The following PIK3C2G variants were observed in gnomAD, a reference collection of about 807,000 sequenced individuals.
The protein encoded by PIK3C2G is phosphatidylinositol-4-phosphate 3-kinase catalytic subunit type 2 gamma, also known as phosphatidylinositol 3-kinase C2 domain-containing subunit gamma.
Under a neutral mutation model 181.1 loss-of-function variants are expected in PIK3C2G, and 168 were observed. That is an observed-to-expected ratio of 0.93 (90% CI 0.82 to 1.05). PIK3C2G has a LOEUF of 1.05. Ranked by LOEUF, PIK3C2G falls within the 50% of genes least tolerant of loss-of-function variation. PIK3C2G has a pLI of 0.00. For missense variants in PIK3C2G, 1,869 were observed against 1,732.8 expected (o/e 1.08, Z -1.40); for synonymous variants, 573 against 592.2 (o/e 0.97, Z 0.47).
intron 29 of PIK3C2G, among the ~76,000 whole-genome samples, chr12:18,573,030 A>G (rs781758900): frequency 3.3e-5 from 5 of 152,182 alleles, no homozygotes; most frequent in Non-Finnish European, 4.4e-5. Context: ...TTAAAACGCC[A>G]CTATTGAGAA....
intron 24 of PIK3C2G, among the ~76,000 whole-genome samples, chr12:18,532,019 T>C (rs942935744): frequency 6.6e-6 from 1 of 152,212 alleles, no homozygotes; most frequent in Admixed American, 6.5e-5. Context: ...ATCCAGTTTC[T>C]ACACATCTTT....
At position 18,584,699 on chromosome 12, in the gene PIK3C2G, G is replaced by T. The variant is rs184875433; in HGVS notation, c.4012-9795G>T. Among the ~76,000 whole-genome samples the T allele has an allele frequency of 5.8e-3, 885 of 152,178 alleles. 2 individuals carry two copies. The highest frequency in any genetic ancestry group is 0.01 in the Middle Eastern group (3 of 294). Reference sequence around the variant, plus strand: ...AACTCAGTAAATATAGAGGACCCCTGCAAGATTCTACAGAAGATAATCATC... The same window carrying T: ...AACTCAGTAAATATAGAGGACCCCTTCAAGATTCTACAGAAGATAATCATC... On this transcript the variant is annotated intron_variant, in intron 29 of 32. Transcript: ENST00000538779.
At chr12:18,509,143 C>T (rs754925937) in intron 24 of PIK3C2G, among the ~76,000 whole-genome samples, 2 of 152,056 alleles carry the variant, frequency 1.3e-5, no homozygotes, top group Non-Finnish European at 2.9e-5. Flanking sequence ...TCTCCACCTC[C>T]CTGGTTCAAG....
At chr12:18,514,071 T>G (rs1942379243) in intron 24 of PIK3C2G, among the ~76,000 whole-genome samples, 1 of 152,040 alleles carries the variant, frequency 6.6e-6, no homozygotes, top group South Asian at 2.1e-4. Context: ...CTCCATGTAC[T>G]TTTTATATTT....
chr12:18,529,184 C>A lies in PIK3C2G; in HGVS notation c.3324-8972C>A, dbSNP rs138268903. Among the ~76,000 whole-genome samples the A allele has an allele frequency of 4.6e-5, 7 of 151,570 alleles. No individual in the cohort carries two copies. In the South Asian group the frequency reaches 8.3e-4, roughly 18 times the overall value. ...GACCCTGATGTATATTAAATTCATA[C>A]CTTTAAAAACTACAATTAAATGTCA... On this transcript the variant is annotated intron_variant, in intron 24 of 32. Coordinates refer to ENST00000538779, the MANE Select transcript of PIK3C2G (RefSeq NM_001288772.2).
intron 12 of PIK3C2G, 35 bp from the exon 13 acceptor site, chr12:18,371,144 TG>T: frequency 6.5e-7 from 1 of 1,544,376 alleles, no homozygotes; most frequent in Non-Finnish European, 8.9e-7. Context: ...TCAGTACAAT[TG>T]GGTAGGTAAT....
the PIK3C2G span, among the ~76,000 whole-genome samples, chr12:18,702,986 C>T: frequency 2.0e-5 from 3 of 151,770 alleles, no homozygotes; most frequent in Non-Finnish European, 4.4e-5. Flanking sequence ...TCTTTATTTA[C>T]TCATTGAAAA....
intron 13 of PIK3C2G, among the ~76,000 whole-genome samples, chr12:18,375,386 T>A (rs1162052184): frequency 6.6e-6 from 1 of 152,198 alleles, no homozygotes; most frequent in African/African-American, 2.4e-5. Context: ...AATGATGACT[T>A]AGAGTATCTG....
chr12:18,421,238 A>T (rs71539456), intron 17 of PIK3C2G, among the ~76,000 whole-genome samples: 19,117 of 151,920 alleles, frequency 0.13, 1,247 homozygotes, highest in African/African-American at 0.15. Context: ...AAAAAGGAAA[A>T]TTTTTTAAAA....
chr12:18,694,761 T>C, the PIK3C2G span: 838 of 615,826 alleles, frequency 1.4e-3, 1 homozygote, highest in African/African-American at 0.012. Flanking sequence ...TATAGAAGGA[T>C]GCTGGAATAC....
At chr12:18,633,075 A>G (rs1016398784) in intron 31 of PIK3C2G, among the ~76,000 whole-genome samples, 6 of 152,196 alleles carry the variant, frequency 3.9e-5, no homozygotes, top group Admixed American at 1.3e-4. Context: ...TCTGCCAAAC[A>G]TGATACAACT....
At chr12:18,642,785 A>AGTGT (rs1949907513) in intron 32 of PIK3C2G, among the ~76,000 whole-genome samples, 4 of 93,454 alleles carry the variant, frequency 4.3e-5, no homozygotes, top group Non-Finnish European at 6.4e-5. Context: ...TATAAGTGAC[A>AGTGT]CTGTGTGTGT....
At chr12:18,296,107 A>G (rs1949928779) in intron 5 of PIK3C2G, among the ~76,000 whole-genome samples, 1 of 152,148 alleles carries the variant, frequency 6.6e-6, no homozygotes, top group Non-Finnish European at 1.5e-5. Context: ...ATAGATCATG[A>G]AACATATGAC....
chr12:18,477,084 C>A (rs959864218), intron 18 of PIK3C2G, among the ~76,000 whole-genome samples: 4 of 152,060 alleles, frequency 2.6e-5, no homozygotes, highest in African/African-American at 9.7e-5. Context: ...CTCACATGGC[C>A]TTTCTCTGTG....
chr12:18,532,068 C>T (rs974028622), intron 24 of PIK3C2G, among the ~76,000 whole-genome samples: 1 of 152,114 alleles, frequency 6.6e-6, no homozygotes, highest in South Asian at 2.1e-4. Context: ...TTTATCTAGC[C>T]ATTTTGATAG....
chr12:18,403,642 T>G (rs73066547), intron 16 of PIK3C2G, among the ~76,000 whole-genome samples: 99 of 152,298 alleles, frequency 6.5e-4, no homozygotes, highest in Non-Finnish European at 6.6e-4. Context: ...ATTTACTTAA[T>G]CTGTCCAAAG....
chr12:18,518,973 C>T (rs1418020255), intron 24 of PIK3C2G, among the ~76,000 whole-genome samples: 2 of 152,142 alleles, frequency 1.3e-5, no homozygotes, highest in Non-Finnish European at 2.9e-5. Flanking sequence ...TTGATTTCTG[C>T]CTTAATTTCA....
At chr12:18,486,038 T>C (rs893142412) in intron 18 of PIK3C2G, among the ~76,000 whole-genome samples, 2 of 152,172 alleles carry the variant, frequency 1.3e-5, no homozygotes, top group Admixed American at 6.6e-5. Context: ...TTAAGGGGCA[T>C]GTTAATTTCT....
chr12:18,562,280 C>G (rs1945388116), intron 26 of PIK3C2G, among the ~76,000 whole-genome samples: 1 of 152,070 alleles, frequency 6.6e-6, no homozygotes, highest in Non-Finnish European at 1.5e-5. Context: ...TACAGGCACC[C>G]GCCACCACGC....
Sources: gnomAD v4.1 joint callset for allele counts (sites outside exome capture counted in the v4.1 genomes callset) on GRCh38, gnomAD v4.1.1 for gene constraint, MANE v1.5 for transcripts, NCBI Gene and HGNC (gene_info 2026-07-23, HGNC 2026-07-21) for gene names.